Variants in TXNDC16 observed in about 807,000 individuals in gnomAD.
TXNDC16 encodes thioredoxin domain containing 16.
A neutral mutation model predicts 85.6 loss-of-function variants in TXNDC16; 74 were observed. The observed-to-expected ratio is 0.86, with a 90% CI of 0.72 to 1.05. The LOEUF (loss-of-function observed/expected upper bound fraction) is 1.05, where lower values mean the gene tolerates loss of function less well. Among genes scored for constraint, TXNDC16 ranks in the 50% least tolerant of loss-of-function variants. The pLI, the probability that TXNDC16 is intolerant of heterozygous loss-of-function variation, is 0.00. For missense variants in TXNDC16, 959 were observed against 947.0 expected, an observed-to-expected ratio of 1.01 and a Z score of -0.17; for synonymous variants, 335 against 326.5, an observed-to-expected ratio of 1.03 and a Z score of -0.28.
chr14:52,488,295 T>C (rs557517202), intron 12 of TXNDC16, 68 bp downstream of exon 12: 156 of 1,568,976 alleles, frequency 9.9e-5, no homozygotes, highest in African/African-American at 8.2e-4. Flanking sequence ...AGTTAATCCA[T>C]TGGAAATTTC....
At chr14:52,460,689 C>G (rs1279626996) in intron 16 of TXNDC16, among the ~76,000 whole-genome samples, 1 of 151,954 alleles carries the variant, frequency 6.6e-6, no homozygotes, top group Non-Finnish European at 1.5e-5. Flanking sequence ...TTTATTTAGC[C>G]AAAGTGATAA....
rs1262716872 is a variant in TXNDC16 at position 52,543,474 on chromosome 14, TAA to T, written c.82_83del (p.Leu28ThrfsTer10). 1 of 1,613,638 alleles carries T rather than the reference TAA, an allele frequency of 6.2e-7. No homozygotes were observed. The highest frequency in any genetic ancestry group is 8.5e-7 in the Non-Finnish European group (1 of 1,179,790). ...CIFYMPTVNS[L>X]PELSPQKYFS... is the part of the protein sequence containing the mutation. Reference sequence around the variant, plus strand: ...AATATTTCTGAGGACTCAGTTCTGGTAAAGAGTTTACTGTTGGCATGTAAAAA... The same window carrying T: ...AATATTTCTGAGGACTCAGTTCTGGTAGAGTTTACTGTTGGCATGTAAAAA... On this transcript the variant is annotated frameshift_variant, in exon 3 of 21. Transcript: ENST00000281741. LOFTEE classifies it high-confidence loss of function.
intron 9 of TXNDC16, among the ~76,000 whole-genome samples, chr14:52,509,993 A>T (rs931262095): frequency 6.6e-5 from 10 of 152,134 alleles, no homozygotes; most frequent in African/African-American, 2.4e-4. Context: ...GAAATAAAAA[A>T]AAAAAAAAAG....
At chr14:52,499,176 A>G (rs776105414) in intron 9 of TXNDC16, among the ~76,000 whole-genome samples, 4 of 152,184 alleles carry the variant, frequency 2.6e-5, no homozygotes, top group African/African-American at 9.6e-5. Context: ...TTAACTCATA[A>G]TGGATTAAAT....
chr14:52,468,974 A>G (rs955687921), intron 16 of TXNDC16, among the ~76,000 whole-genome samples: 8 of 152,206 alleles, frequency 5.3e-5, no homozygotes, highest in African/African-American at 1.9e-4. Context: ...TATATGGTCT[A>G]AAATCCATAC....
intron 3 of TXNDC16, 100 bp downstream of exon 3, chr14:52,543,298 C>A: frequency 7.8e-7 from 1 of 1,281,056 alleles, no homozygotes. Flanking sequence ...AGCTATATAG[C>A]ACATATTATT....
chr14:52,468,272 T>C (rs993729853), intron 16 of TXNDC16, among the ~76,000 whole-genome samples: 5 of 151,876 alleles, frequency 3.3e-5, no homozygotes, highest in Non-Finnish European at 5.9e-5. Flanking sequence ...AAAATTTTTT[T>C]AAAAGAAAAA....
chr14:52,460,618 AAT>A (rs1420918968), intron 16 of TXNDC16, among the ~76,000 whole-genome samples: 4 of 152,292 alleles, frequency 2.6e-5, no homozygotes, highest in African/African-American at 9.6e-5. Flanking sequence ...AAGCCTATTA[AAT>A]ATGTCAAAAG....
intron 14 of TXNDC16, among the ~76,000 whole-genome samples, chr14:52,479,231 G>C (rs2036088891): frequency 6.6e-6 from 1 of 152,100 alleles, no homozygotes; most frequent in South Asian, 2.1e-4. Flanking sequence ...AAAGTTGAAA[G>C]TATTCCTTCT....
intron 6 of TXNDC16, among the ~76,000 whole-genome samples, chr14:52,524,978 C>T (rs188818294): frequency 9.9e-5 from 15 of 151,890 alleles, no homozygotes; most frequent in Non-Finnish European, 1.5e-4. Flanking sequence ...AAAAATTAGC[C>T]GGGCATGGTG....
intron 6 of TXNDC16, among the ~76,000 whole-genome samples, chr14:52,529,717 T>C (rs866418052): frequency 2.6e-5 from 3 of 116,846 alleles, no homozygotes; most frequent in Non-Finnish European, 4.9e-5. Flanking sequence ...ATAATGCCTA[T>C]TATATATATT....
At chr14:52,433,859 A>T (rs2034963891) in intron 20 of TXNDC16, among the ~76,000 whole-genome samples, 1 of 152,182 alleles carries the variant, frequency 6.6e-6, no homozygotes, top group South Asian at 2.1e-4. Flanking sequence ...CAATATGCAG[A>T]TAAATGTATA....
At chr14:52,495,670 G>A (rs1263871361) in intron 9 of TXNDC16, among the ~76,000 whole-genome samples, 1 of 152,080 alleles carries the variant, frequency 6.6e-6, no homozygotes, top group East Asian at 1.9e-4. Context: ...CTGCCCCCTG[G>A]CTAAAACAAC....
At position 52,455,309 on chromosome 14, in the gene TXNDC16, A is replaced by C; in HGVS notation, c.1842+15T>G. The C allele has an allele frequency of 6.2e-7, 1 of 1,613,130 alleles. No homozygotes were observed. Among genetic ancestry groups the C allele is most frequent in the Non-Finnish European group, 8.5e-7 (1 of 1,179,494 alleles). On this transcript the variant is annotated intron_variant, in intron 18 of 20. Transcript: ENST00000281741. ...TTTTATTTCAAGTATCACCCTTATT[A>C]TAAAACATACTCACAAACATTTCCA...
At chr14:52,474,303 T>C (rs2035971813) in intron 14 of TXNDC16, among the ~76,000 whole-genome samples, 2 of 152,260 alleles carry the variant, frequency 1.3e-5, no homozygotes, top group African/African-American at 4.8e-5. Flanking sequence ...TTATGATTTA[T>C]ATTTTCTCCT....
At chr14:52,442,034 C>T (rs1330162732) in intron 18 of TXNDC16, among the ~76,000 whole-genome samples, 2 of 151,716 alleles carry the variant, frequency 1.3e-5, no homozygotes, top group Non-Finnish European at 2.9e-5. Flanking sequence ...CACTCTGTAC[C>T]CCAGTTTTTA....
At position 52,488,066 on chromosome 14, in the gene TXNDC16, AC is replaced by A. The variant is rs531802166; in HGVS notation, c.1108+296del. Among the ~76,000 whole-genome samples the A allele has an allele frequency of 5.9e-5, 9 of 152,368 alleles. No individual in the cohort carries two copies. In the East Asian group the frequency reaches 1.7e-3, roughly 29 times the overall value. ...TGTAGTTTCTAAGTAGAGTTTTTAA[AC>A]ATGGACTAGTCCAGAACGGCTGAAA... On this transcript the variant is annotated intron_variant, in intron 12 of 20. Coordinates refer to ENST00000281741, the MANE Select transcript of TXNDC16 (RefSeq NM_020784.3).
intron 14 of TXNDC16, among the ~76,000 whole-genome samples, chr14:52,474,785 C>A (rs2035983713): frequency 6.6e-6 from 1 of 151,918 alleles, no homozygotes; most frequent in African/African-American, 2.4e-5. Flanking sequence ...TATCCCCTCA[C>A]TCAGTAATAA....
At chr14:52,536,380 T>C (rs150235737) in intron 6 of TXNDC16, among the ~76,000 whole-genome samples, 4 of 152,324 alleles carry the variant, frequency 2.6e-5, no homozygotes, top group African/African-American at 7.2e-5. Flanking sequence ...GTTTCATTGT[T>C]GTTTATAAGC....
Sources: allele counts gnomAD v4.1 joint callset (sites outside exome capture counted in the v4.1 genomes callset), GRCh38; gene constraint gnomAD v4.1.1; transcripts MANE v1.5; gene names NCBI Gene and HGNC (gene_info 2026-07-23, HGNC 2026-07-21).